PPP4R1: variants seen among roughly 807,000 people sequenced by gnomAD.
The protein encoded by PPP4R1 is serine/threonine-protein phosphatase 4 regulatory subunit 1.
A neutral mutation model predicts 111.2 loss-of-function variants in PPP4R1; 42 were observed. The ratio of observed to expected loss-of-function variants is 0.38; its 90% CI spans 0.29 to 0.49. PPP4R1 has a LOEUF of 0.49. Ranked by LOEUF, PPP4R1 falls within the 20% of genes least tolerant of loss-of-function variation. The pLI is 0.97. For missense variants in PPP4R1, 1,012 were observed against 1,161.6 expected (o/e 0.87, Z 1.87); for synonymous variants, 409 against 405.5 (o/e 1.01, Z -0.10).
chr18:9,585,013 A>C (rs2067093325), intron 6 of PPP4R1, among the ~76,000 whole-genome samples, 185 bp from the exon 7 acceptor site: 1 of 152,214 alleles, frequency 6.6e-6, no homozygotes, highest in Admixed American at 6.5e-5. Context: ...AGTAGGAAAC[A>C]AAGACAGATA....
chr18:9,584,382 A>G, intron 8 of PPP4R1, 133 bp downstream of exon 8: 3 of 730,962 alleles, frequency 4.1e-6, no homozygotes, highest in Non-Finnish European at 6.2e-6. Flanking sequence ...AAACTCCTAA[A>G]TTCAAAATTA....
chr18:9,583,211 C>T lies in PPP4R1; in HGVS notation c.824G>A (p.Cys275Tyr). The part of the protein sequence containing the change: ...VWGVRKACAE[C>Y]FMAVSCATCQ... ...TGTTGCACATGAAACCGCCATGAAG[C>T]ATTCAGCACAAGCCTTTCGGACTCC... is the stretch of plus-strand genomic sequence containing the variant. Residue 275 changes from cysteine (C) to tyrosine (Y), a missense_variant, in exon 9 of 20, where the codon TGC (cysteine) becomes TAC (tyrosine). Around this residue, in one of 2 missense-constraint regions of PPP4R1, gnomAD observed 707 missense variants for 742.1 expected, o/e 0.95. Coordinates refer to ENST00000400556, the MANE Select transcript of PPP4R1 (RefSeq NM_001042388.3). 1 of 1,610,996 alleles carries T rather than the reference C, an allele frequency of 6.2e-7. No homozygotes were observed. The highest frequency in any genetic ancestry group is 8.5e-7 in the Non-Finnish European group (1 of 1,177,734).
chr18:9,583,424 T>G, intron 8 of PPP4R1, 149 bp from the exon 9 acceptor site: 1 of 793,268 alleles, frequency 1.3e-6, no homozygotes, highest in African/African-American at 1.8e-5. Flanking sequence ...TGGAGTGAGG[T>G]GGTGCGATCT....
chr18:9,593,371 A>G (rs2067242648), intron 4 of PPP4R1, among the ~76,000 whole-genome samples: 1 of 152,162 alleles, frequency 6.6e-6, no homozygotes, highest in African/African-American at 2.4e-5. Context: ...ACAAATGGTT[A>G]ATCAACATTT....
At chr18:9,605,265 C>A (rs913361877) in intron 2 of PPP4R1, among the ~76,000 whole-genome samples, 2 of 151,956 alleles carry the variant, frequency 1.3e-5, no homozygotes, top group African/African-American at 4.8e-5. Context: ...AATATACCAA[C>A]AAATGAATAG....
At chr18:9,609,258 C>T (rs1398993387) in intron 2 of PPP4R1, among the ~76,000 whole-genome samples, 3 of 152,204 alleles carry the variant, frequency 2.0e-5, no homozygotes, top group African/African-American at 7.2e-5. Context: ...ACGACTCACC[C>T]TCCCAAATCC....
intron 11 of PPP4R1, among the ~76,000 whole-genome samples, chr18:9,564,764 T>C (rs116962727): frequency 3.5e-4 from 52 of 150,264 alleles, no homozygotes; most frequent in Non-Finnish European, 6.5e-4. Context: ...ATCCATTCTG[T>C]TCCCTGGAAA....
intron 2 of PPP4R1, among the ~76,000 whole-genome samples, chr18:9,600,412 A>G (rs1213029246): frequency 6.6e-6 from 1 of 152,162 alleles, no homozygotes; most frequent in Non-Finnish European, 1.5e-5. Context: ...AACTAGATCA[A>G]TAATTACATT....
At chr18:9,563,675 AGCTGG>A in intron 11 of PPP4R1, 125 bp from the exon 12 acceptor site, 1 of 911,144 alleles carries the variant, frequency 1.1e-6, no homozygotes, top group African/African-American at 1.7e-5. Context: ...GCAATCAAAA[AGCTGG>A]AAAAAAATTT....
intron 11 of PPP4R1, among the ~76,000 whole-genome samples, chr18:9,566,879 A>G (rs2066776621): frequency 6.6e-6 from 1 of 152,138 alleles, no homozygotes; most frequent in South Asian, 2.1e-4. Context: ...TTCCTTTCAA[A>G]TTATTACTGC....
At chr18:9,557,847 A>G (rs924092246) in intron 14 of PPP4R1, among the ~76,000 whole-genome samples, 2 of 152,168 alleles carry the variant, frequency 1.3e-5, no homozygotes, top group African/African-American at 2.4e-5. Context: ...GAACATGCCG[A>G]CGTACTGAGG....
intron 2 of PPP4R1, among the ~76,000 whole-genome samples, chr18:9,611,750 G>T (rs1361545923): frequency 6.6e-6 from 1 of 152,034 alleles, no homozygotes; most frequent in Non-Finnish European, 1.5e-5. Context: ...AGTGGCTCAC[G>T]CCTGTAATCC....
intron 10 of PPP4R1, among the ~76,000 whole-genome samples, chr18:9,575,930 G>C (rs1215620202): frequency 6.6e-6 from 1 of 152,168 alleles, no homozygotes; most frequent in Non-Finnish European, 1.5e-5. Context: ...TAAGTATGCT[G>C]ATTTCAAAAA....
intron 14 of PPP4R1, among the ~76,000 whole-genome samples, chr18:9,558,520 T>G (rs557699589): frequency 3.1e-4 from 47 of 152,264 alleles, no homozygotes; most frequent in East Asian, 1.4e-3. Context: ...AAGGATAAAT[T>G]CACTTCCCCT....
At chr18:9,569,049 A>G (rs1196745768) in intron 11 of PPP4R1, among the ~76,000 whole-genome samples, 1 of 151,790 alleles carries the variant, frequency 6.6e-6, no homozygotes, top group Non-Finnish European at 1.5e-5. Context: ...AAAAAAAAGT[A>G]GCTGGGTGCA....
Position 9,547,613 on chromosome 18 carries a change from T to G in PPP4R1, c.*176A>C. ...ATAAGATAATAGTGTTTACTGTACT[T>G]TCTCTTGACTCTTGAAATCCCTGGT... On this transcript the variant is annotated 3_prime_UTR_variant, in exon 20 of 20. Transcript: ENST00000400556. 2 of 642,082 alleles carry G rather than the reference T, an allele frequency of 3.1e-6. No individual in the cohort carries two copies. The highest frequency in any genetic ancestry group is 5.3e-6 in the Non-Finnish European group (2 of 374,428). The allele number at this position is 642,082 out of a possible 1,614,324, so 39.8% of individuals were successfully genotyped here.
rs750555417 is a variant in PPP4R1 at position 9,614,250 on chromosome 18, C to T, written c.28G>A (p.Asp10Asn). ...CATCCGTCTGCGTCCTCCTGCAGGT[C>T]CTCCTGAAGCAGCGAGAGGTCTGCG... Reference protein sequence around the residue: MADLSLLQEDLQEDADGFGV... With the variant: MADLSLLQENLQEDADGFGV... Residue 10 changes from aspartate (D) to asparagine (N), a missense_variant, in exon 2 of 20, where the codon GAC (aspartate) becomes AAC (asparagine). Transcript: ENST00000400556. The surrounding 1 kb of genome is among the most constrained non-coding windows in gnomAD (Gnocchi z 4.1). 7.4e-6 allele frequency: 10 copies of T among 1,358,254 alleles called. No individual in the cohort carries two copies. The South Asian group carries it at 1.5e-4, about 21-fold the overall frequency. 84.1% of individuals were successfully genotyped at this position (1,358,254 alleles called of 1,614,324 possible).
chr18:9,569,391 G>A (rs534061202), intron 11 of PPP4R1, among the ~76,000 whole-genome samples: 12 of 152,050 alleles, frequency 7.9e-5, no homozygotes, highest in Admixed American at 7.2e-4. Context: ...TCTTGCTGTC[G>A]CCCAGGCTGC....
Position 9,557,754 on chromosome 18 carries a change from C to T in PPP4R1, c.2029-372G>A, listed in dbSNP as rs548013552. On this transcript the variant is annotated intron_variant, in intron 14 of 19. Transcript: ENST00000400556. Reference sequence around the variant, plus strand: ...GCACTAAGCACATGCTAGAACATGCCGACGTACTGAGGCTGCACATGGCTT... The same window carrying T: ...GCACTAAGCACATGCTAGAACATGCTGACGTACTGAGGCTGCACATGGCTT... 4.0e-5 allele frequency among the ~76,000 whole-genome samples: 6 copies of T among 151,870 alleles called. No homozygotes were observed. In the South Asian group the frequency reaches 6.2e-4, roughly 16 times the overall value.
Sources: gnomAD v4.1 joint callset for allele counts (sites outside exome capture counted in the v4.1 genomes callset) on GRCh38, gnomAD v4.1.1 for gene constraint, gnomAD v4.1.1 regional missense constraint, Gnocchi (gnomAD v3.1) non-coding constraint, MANE v1.5 for transcripts, NCBI Gene and HGNC (gene_info 2026-07-23, HGNC 2026-07-21) for gene names.